Variants in SLC24A4 observed in about 807,000 individuals in gnomAD.
SLC24A4 encodes solute carrier family 24 member 4.
In SLC24A4, 53 loss-of-function variants were observed where a neutral mutation model predicts 79.0. The observed-to-expected ratio is 0.67, with a 90% CI of 0.54 to 0.84. SLC24A4 has a LOEUF of 0.84. Among genes scored for constraint, SLC24A4 ranks in the 40% least tolerant of loss-of-function variants. SLC24A4 has a pLI of 0.00. For missense variants in SLC24A4, 731 were observed against 822.0 expected (o/e 0.89, Z 1.35); for synonymous variants, 323 against 323.8 (o/e 1.00, Z 0.03).
chr14:92,482,930 C>T (rs1454004440), intron 13 of SLC24A4, 84 bp downstream of exon 13: 1 of 1,392,770 alleles, frequency 7.2e-7, no homozygotes, highest in Non-Finnish European at 9.7e-7. Context: ...ACAGGTACTG[C>T]TGTGCCACCT....
chr14:92,460,432 C>T (rs1893733623), intron 12 of SLC24A4, among the ~76,000 whole-genome samples: 1 of 152,174 alleles, frequency 6.6e-6, no homozygotes, highest in African/African-American at 2.4e-5. Flanking sequence ...CTTCTGTTAT[C>T]CTCTCCTTTT....
intron 2 of SLC24A4, among the ~76,000 whole-genome samples, chr14:92,418,946 C>T (rs904532693): frequency 3.3e-5 from 5 of 152,200 alleles, no homozygotes; most frequent in Non-Finnish European, 5.9e-5. Flanking sequence ...AGGTGATCCA[C>T]CCACCTTGGC....
At chr14:92,349,919 C>T (rs970638787) in intron 2 of SLC24A4, among the ~76,000 whole-genome samples, 1 of 152,140 alleles carries the variant, frequency 6.6e-6, no homozygotes, top group African/African-American at 2.4e-5. Flanking sequence ...GAGGCCATTC[C>T]TATGGGTTTG....
At chr14:92,351,253 C>G (rs762169270) in intron 2 of SLC24A4, among the ~76,000 whole-genome samples, 3 of 152,138 alleles carry the variant, frequency 2.0e-5, no homozygotes, top group Admixed American at 6.5e-5. Context: ...CACACACACA[C>G]ACACAAAACA....
intron 2 of SLC24A4, among the ~76,000 whole-genome samples, chr14:92,418,115 G>A (rs1891080957): frequency 1.3e-5 from 2 of 152,190 alleles, no homozygotes; most frequent in South Asian, 2.1e-4. Context: ...CTAAATCCTG[G>A]CCTGAGACTT....
At chr14:92,446,236 A>G (rs1892790997) in intron 8 of SLC24A4, among the ~76,000 whole-genome samples, 1 of 151,652 alleles carries the variant, frequency 6.6e-6, no homozygotes, top group Admixed American at 6.6e-5. Flanking sequence ...CAGTGGTGCC[A>G]TCTCGGCTCA....
intron 2 of SLC24A4, among the ~76,000 whole-genome samples, chr14:92,401,063 G>A (rs541226961): frequency 2.6e-5 from 4 of 152,114 alleles, no homozygotes; most frequent in Non-Finnish European, 5.9e-5. Context: ...CCAGTATCTG[G>A]CAGTCCTTGC....
chr14:92,431,003 AT>A (rs1566761008), intron 2 of SLC24A4, among the ~76,000 whole-genome samples: 8 of 152,194 alleles, frequency 5.3e-5, no homozygotes, highest in Non-Finnish European at 1.2e-4. Context: ...CAGGAAGCCC[AT>A]GGGAGGAGAA....
intron 2 of SLC24A4, among the ~76,000 whole-genome samples, chr14:92,355,464 A>C (rs950639295): frequency 6.6e-6 from 1 of 152,220 alleles, no homozygotes; most frequent in African/African-American, 2.4e-5. Flanking sequence ...TGACTTACCC[A>C]AAAGTTCAAA....
chr14:92,368,341 T>G (rs1887967531), intron 2 of SLC24A4, among the ~76,000 whole-genome samples: 1 of 152,210 alleles, frequency 6.6e-6, no homozygotes, highest in Non-Finnish European at 1.5e-5. Flanking sequence ...GGGGCTCCAG[T>G]ATGACGTTGA....
In SLC24A4 at chr14:92,362,843, G is replaced by A. The variant is rs139657755; in HGVS notation, c.241+36865G>A. ...TTGCAGAATGAATGCGCAGAGAGAG[G>A]CGGCAGCTCCGGGCGGGATCAGGCA... On this transcript the variant is annotated intron_variant, in intron 2 of 16. Coordinates refer to ENST00000532405, the MANE Select transcript of SLC24A4 (RefSeq NM_153646.4). 4.1e-3 allele frequency among the ~76,000 whole-genome samples: 632 copies of A among 152,306 alleles called. 4 individuals are homozygous for A. Among genetic ancestry groups the A allele is most frequent in the African/African-American group, 0.014 (591 of 41,558 alleles).
chr14:92,329,992 G>A (rs903848816), intron 2 of SLC24A4, among the ~76,000 whole-genome samples: 2 of 152,204 alleles, frequency 1.3e-5, no homozygotes, highest in African/African-American at 4.8e-5. Flanking sequence ...CACTCCCAGA[G>A]TGTCTGATTT....
chr14:92,389,694 A>G (rs1889360283), intron 2 of SLC24A4, among the ~76,000 whole-genome samples: 1 of 152,182 alleles, frequency 6.6e-6, no homozygotes, highest in East Asian at 1.9e-4. Context: ...CCTCGGTGGC[A>G]AAGCCACATC....
At chr14:92,440,285 C>T (rs1892417561) in intron 4 of SLC24A4, among the ~76,000 whole-genome samples, 1 of 152,134 alleles carries the variant, frequency 6.6e-6, no homozygotes, top group Admixed American at 6.5e-5. Context: ...GCCATGTGCT[C>T]GCCTCCATCC....
intron 12 of SLC24A4, among the ~76,000 whole-genome samples, chr14:92,464,584 TC>T (rs11300260): frequency 0.23 from 34,504 of 151,964 alleles, 4,056 homozygotes; most frequent in Middle Eastern, 0.39. Context: ...AAACCCAGCA[TC>T]CCCCAGCCCT....
At chr14:92,473,755 C>A (rs543331838) in intron 12 of SLC24A4, among the ~76,000 whole-genome samples, 1 of 152,308 alleles carries the variant, frequency 6.6e-6, no homozygotes, top group South Asian at 2.1e-4. Flanking sequence ...TCTGCCTCTC[C>A]TCTCCTGATT....
chr14:92,475,996 G>A (rs539598520), intron 12 of SLC24A4, among the ~76,000 whole-genome samples: 2 of 152,308 alleles, frequency 1.3e-5, no homozygotes, highest in Non-Finnish European at 2.9e-5. Flanking sequence ...TGGCCACGTG[G>A]GTGGGGCCAG....
intron 2 of SLC24A4, among the ~76,000 whole-genome samples, chr14:92,350,445 C>T (rs887419253): frequency 4.3e-4 from 65 of 152,126 alleles, no homozygotes; most frequent in African/African-American, 1.5e-3. Context: ...TAGTCAAGAT[C>T]AAGCAAACAG....
In SLC24A4 at chr14:92,493,806, T is replaced by C. The variant is rs1415329581; in HGVS notation, c.*178T>C. 1 of 700,450 alleles carries C rather than the reference T, an allele frequency of 1.4e-6. No individual in the cohort carries two copies. The highest frequency in any genetic ancestry group is 2.3e-6 in the Non-Finnish European group (1 of 433,126). The allele number at this position is 700,450 out of a possible 1,614,324, so 43.4% of individuals were successfully genotyped here. The stretch of plus-strand genomic sequence containing the variant: ...TGGCCACAGGCCAGGCTGCTGGGCA[T>C]CCTCCTCCTCCTTGGAGTTCCGCCC... On this transcript the variant is annotated 3_prime_UTR_variant, in exon 17 of 17. Coordinates refer to ENST00000532405, the MANE Select transcript of SLC24A4 (RefSeq NM_153646.4).
Sources: allele counts gnomAD v4.1 joint callset (sites outside exome capture counted in the v4.1 genomes callset), GRCh38; gene constraint gnomAD v4.1.1; transcripts MANE v1.5; gene names NCBI Gene and HGNC (gene_info 2026-07-23, HGNC 2026-07-21).